The following RASGRF2 variants were observed in gnomAD, a reference collection of about 807,000 sequenced individuals.
RASGRF2 encodes Ras protein specific guanine nucleotide releasing factor 2.
Under a neutral mutation model 151.0 loss-of-function variants are expected in RASGRF2, and 76 were observed. The ratio of observed to expected loss-of-function variants is 0.50; its 90% CI spans 0.42 to 0.61. The LOEUF (loss-of-function observed/expected upper bound fraction) is 0.61, where lower values mean the gene tolerates loss of function less well. RASGRF2 is among the 20% of genes least tolerant of loss of function. RASGRF2 has a pLI of 0.00. For synonymous variants in RASGRF2, 504 were observed against 566.5 expected, an observed-to-expected ratio of 0.89 and a Z score of 1.57; for missense variants, 1,148 against 1,564.6, an observed-to-expected ratio of 0.73 and a Z score of 4.49.
At chr5:81,163,417 A>T (rs954733114) in intron 17 of RASGRF2, among the ~76,000 whole-genome samples, 2 of 152,074 alleles carry the variant, frequency 1.3e-5, no homozygotes, top group African/African-American at 4.8e-5. Context: ...AACCATCTTA[A>T]TTCAAATATA....
chr5:81,046,306 G>GCC (rs1161372916), intron 2 of RASGRF2, among the ~76,000 whole-genome samples: 2 of 151,872 alleles, frequency 1.3e-5, no homozygotes, highest in Non-Finnish European at 2.9e-5. Context: ...GAATCTACTT[G>GCC]CCCCACTTTG....
In RASGRF2 at chr5:81,051,230, A is replaced by AT. The variant is rs548379000; in HGVS notation, c.395+8254dup. Among the ~76,000 whole-genome samples, 384 of 152,092 alleles carry AT rather than the reference A, an allele frequency of 2.5e-3. 7 individuals are homozygous for AT. The highest frequency in any genetic ancestry group is 8.3e-3 in the African/African-American group (343 of 41,486). On this transcript the variant is annotated intron_variant, in intron 2 of 26. Coordinates refer to ENST00000265080, the MANE Select transcript of RASGRF2 (RefSeq NM_006909.3). ...TTTGTCTTGTAGTTATACCTATGGG[A>AT]TTTTTTTGACATTAGAGTTTTTGAA...
chr5:81,049,823 A>C lies in RASGRF2; in HGVS notation c.395+6840A>C, dbSNP rs556706232. Among the ~76,000 whole-genome samples, 6 of 152,228 alleles carry C rather than the reference A, an allele frequency of 3.9e-5. No homozygotes were observed. The South Asian group carries it at 1.2e-3, about 32-fold the overall frequency. ...CAAGTCCTGGGCAGGCTGACTCCAA[A>C]ACCTATGCACTTAACCACAAAGATA... On this transcript the variant is annotated intron_variant, in intron 2 of 26. Coordinates refer to ENST00000265080, the MANE Select transcript of RASGRF2 (RefSeq NM_006909.3).
chr5:81,095,634 G>A (rs1021254677), intron 12 of RASGRF2, among the ~76,000 whole-genome samples: 3 of 152,098 alleles, frequency 2.0e-5, no homozygotes, highest in African/African-American at 7.2e-5. Context: ...GCTCTGTAGG[G>A]GAAAAGTGTT....
At chr5:81,127,619 C>G (rs564487421) in intron 17 of RASGRF2, among the ~76,000 whole-genome samples, 1 of 152,140 alleles carries the variant, frequency 6.6e-6, no homozygotes, top group South Asian at 2.1e-4. Flanking sequence ...TTTAAATGAG[C>G]ATCTTCAGAA....
intron 5 of RASGRF2, among the ~76,000 whole-genome samples, chr5:81,073,770 C>T (rs1045558981): frequency 6.6e-5 from 10 of 152,102 alleles, no homozygotes; most frequent in African/African-American, 2.2e-4. Flanking sequence ...AGGCGCCCAC[C>T]ACCACACCTG....
chr5:81,021,445 T>C (rs556476304), intron 1 of RASGRF2, among the ~76,000 whole-genome samples: 200 of 152,288 alleles, frequency 1.3e-3, no homozygotes, highest in Non-Finnish European at 2.2e-3. Context: ...GATGTTGAAA[T>C]AGTAAACTCT....
chr5:81,043,521 T>G (rs1750743425), intron 2 of RASGRF2, among the ~76,000 whole-genome samples: 1 of 152,186 alleles, frequency 6.6e-6, no homozygotes, highest in Non-Finnish European at 1.5e-5. Flanking sequence ...GTGATTTCGC[T>G]TCCCCCTAAG....
intron 2 of RASGRF2, among the ~76,000 whole-genome samples, chr5:81,067,094 G>A (rs1421111570): frequency 6.6e-6 from 1 of 152,174 alleles, no homozygotes; most frequent in Middle Eastern, 3.2e-3. Context: ...TGCGATCTGA[G>A]GTCAGTACTT....
chr5:81,144,982 G>A (rs1455173440), intron 17 of RASGRF2, among the ~76,000 whole-genome samples: 1 of 152,178 alleles, frequency 6.6e-6, no homozygotes, highest in Non-Finnish European at 1.5e-5. Context: ...GCTCACGCCT[G>A]TAATCCCAGC....
intron 23 of RASGRF2, among the ~76,000 whole-genome samples, chr5:81,214,124 A>T (rs1195820807): frequency 6.6e-6 from 1 of 152,234 alleles, no homozygotes; most frequent in Non-Finnish European, 1.5e-5. Context: ...CTCCGTAGTT[A>T]AGTGATATTC....
At chr5:80,989,010 C>T (rs912521317) in intron 1 of RASGRF2, among the ~76,000 whole-genome samples, 1 of 151,622 alleles carries the variant, frequency 6.6e-6, no homozygotes, top group Non-Finnish European at 1.5e-5. Context: ...CAGAGTCTCG[C>T]TCTGTCGCCC....
intron 17 of RASGRF2, among the ~76,000 whole-genome samples, chr5:81,134,963 A>G (rs1482456570): frequency 6.6e-6 from 1 of 151,838 alleles, no homozygotes; most frequent in Non-Finnish European, 1.5e-5. Flanking sequence ...CATTTTTATA[A>G]TGGCTTTATT....
intron 1 of RASGRF2, among the ~76,000 whole-genome samples, chr5:80,965,501 T>C (rs1035129411): frequency 3.3e-5 from 5 of 152,200 alleles, no homozygotes; most frequent in Non-Finnish European, 5.9e-5. Context: ...CACTAAGCCT[T>C]ACTATTTAGA....
intron 1 of RASGRF2, among the ~76,000 whole-genome samples, chr5:80,975,738 C>T (rs775483794): frequency 6.6e-6 from 1 of 152,034 alleles, no homozygotes; most frequent in Non-Finnish European, 1.5e-5. Flanking sequence ...CCCATTTATT[C>T]CTTACATAGT....
At chr5:81,167,565 G>A (rs751749583) in intron 17 of RASGRF2, among the ~76,000 whole-genome samples, 1 of 152,216 alleles carries the variant, frequency 6.6e-6, no homozygotes, top group Non-Finnish European at 1.5e-5. Context: ...CTCAGTGATA[G>A]TGGTGTTCTC....
At chr5:81,170,622 T>A (rs967103102) in intron 17 of RASGRF2, among the ~76,000 whole-genome samples, 5 of 152,162 alleles carry the variant, frequency 3.3e-5, no homozygotes, top group African/African-American at 4.8e-5. Context: ...TTTCTCTTCA[T>A]TCATGTCCCA....
intron 15 of RASGRF2, among the ~76,000 whole-genome samples, chr5:81,116,066 C>CTTTTTTTTTTTT (rs575647502): frequency 1.0e-4 from 5 of 49,064 alleles, no homozygotes; most frequent in Non-Finnish European, 1.2e-4. Flanking sequence ...AATGCCATTT[C>CTTTTTTTTTTTT]TTTTTTTTTT....
At position 81,191,671 on chromosome 5, in the gene RASGRF2, G is replaced by GAA. The variant is rs11392033; in HGVS notation, c.2794-9651_2794-9650dup. Among the ~76,000 whole-genome samples, 22 of 151,292 alleles carry GAA rather than the reference G, an allele frequency of 1.5e-4. 1 individual carries two copies. The highest frequency in any genetic ancestry group is 3.6e-4 in the African/African-American group (15 of 41,146). On this transcript the variant is annotated intron_variant, in intron 18 of 26. Transcript: ENST00000265080. ...CTACCTAATGGAAAACACAGCATCTGAAAAAAAAATTCTCTTTTTTTCTGG... is the reference window on the plus strand; with the variant it reads ...CTACCTAATGGAAAACACAGCATCTGAAAAAAAAAAATTCTCTTTTTTTCTGG...
Sources: gnomAD v4.1 joint callset for allele counts (sites outside exome capture counted in the v4.1 genomes callset) on GRCh38, gnomAD v4.1.1 for gene constraint, MANE v1.5 for transcripts, NCBI Gene and HGNC (gene_info 2026-07-23, HGNC 2026-07-21) for gene names.